Variants in GALK2 observed in about 807,000 individuals in gnomAD.
The protein encoded by GALK2 is galactokinase 2.
In GALK2, 36 loss-of-function variants were observed where a neutral mutation model predicts 52.4. The observed-to-expected ratio is 0.69, with a 90% confidence interval of 0.53 to 0.91. The LOEUF (loss-of-function observed/expected upper bound fraction) is 0.91. Among genes scored for constraint, GALK2 ranks in the 40% least tolerant of loss-of-function variants. The pLI is 0.00. For missense variants in GALK2, 579 were observed against 559.1 expected, an observed-to-expected ratio of 1.04 and a Z score of -0.36; for synonymous variants, 176 against 199.1, an observed-to-expected ratio of 0.88 and a Z score of 0.98.
intron 3 of GALK2, among the ~76,000 whole-genome samples, chr15:49,363,612 T>TA (rs2044622308): frequency 6.6e-6 from 1 of 152,226 alleles, no homozygotes; most frequent in Admixed American, 6.5e-5. Flanking sequence ...GAATGCCTTT[T>TA]ACTTCTTTCT....
chr15:49,188,941 T>C (rs749354531), intron 1 of GALK2, among the ~76,000 whole-genome samples: 4 of 152,228 alleles, frequency 2.6e-5, no homozygotes, highest in Non-Finnish European at 4.4e-5. Context: ...GGAAACAGCA[T>C]AATAAAAAGC....
At chr15:49,272,503 T>C (rs2030842250) in intron 5 of GALK2, among the ~76,000 whole-genome samples, 1 of 152,232 alleles carries the variant, frequency 6.6e-6, no homozygotes, top group South Asian at 2.1e-4. Flanking sequence ...CATGAGATTG[T>C]GCACGTTTAA....
At chr15:49,178,191 A>AAATAATATAT (rs2085627367) in intron 1 of GALK2, among the ~76,000 whole-genome samples, 1 of 87,106 alleles carries the variant, frequency 1.1e-5, no homozygotes. Flanking sequence ...AAAAAAAAGA[A>AAATAATATAT]ATACTATATA....
chr15:49,353,091 G>A (rs995178947), intron 3 of GALK2, among the ~76,000 whole-genome samples: 8 of 152,234 alleles, frequency 5.3e-5, no homozygotes, highest in African/African-American at 1.4e-4. Flanking sequence ...AAATGAGAAC[G>A]TCATCATTTC....
At chr15:49,214,299 A>G (rs1220807358) in intron 2 of GALK2, among the ~76,000 whole-genome samples, 1 of 150,432 alleles carries the variant, frequency 6.6e-6, no homozygotes, top group Admixed American at 6.6e-5. Context: ...ACCCCCCAAA[A>G]CTTTACCTTA....
chr15:49,171,776 TA>T (rs66523705), intron 1 of GALK2, among the ~76,000 whole-genome samples: 49,015 of 149,478 alleles, frequency 0.33, 8,698 homozygotes, highest in East Asian at 0.58. Flanking sequence ...AGTTTAGTCT[TA>T]TTTTTTTTTT....
chr15:49,219,052 A>G (rs1454703858), intron 3 of GALK2, among the ~76,000 whole-genome samples: 1 of 152,132 alleles, frequency 6.6e-6, no homozygotes, highest in Non-Finnish European at 1.5e-5. Flanking sequence ...GTCTTAAGCT[A>G]CTGACCTCAA....
intron 5 of GALK2, among the ~76,000 whole-genome samples, chr15:49,240,135 A>C (rs1462763485): frequency 1.3e-4 from 20 of 152,222 alleles, no homozygotes; most frequent in Admixed American, 1.3e-3. Context: ...ATGAAGGAGA[A>C]AGCAAAGGTT....
At chr15:49,339,834 G>T (rs1308392054) in intron 3 of GALK2, among the ~76,000 whole-genome samples, 1 of 152,184 alleles carries the variant, frequency 6.6e-6, no homozygotes, top group Non-Finnish European at 1.5e-5. Context: ...GTAGAGGAAT[G>T]AATCTAGAGA....
Position 49,328,626 on chromosome 15 carries a change from G to GATGATC in GALK2, c.*471_*472insTCATGA. 1 of 1,584,982 alleles carries GATGATC rather than the reference G, an allele frequency of 6.3e-7. No homozygotes were observed. ...TGTTGATGATGGTGATGATGATGAT[G>GATGATC]ATGACGATAGTGATGCCACACATTC... On this transcript the variant is annotated 3_prime_UTR_variant, in exon 10 of 10. Transcript: ENST00000560031.
At chr15:49,299,784 T>TTTCTTTCTTTCTTTCTTTCC (rs1567037764) in intron 8 of GALK2, among the ~76,000 whole-genome samples, 3 of 140,136 alleles carry the variant, frequency 2.1e-5, no homozygotes, top group Non-Finnish European at 3.1e-5. Flanking sequence ...TCTTTCTTTC[T>TTTCTTTCTTTCTTTCTTTCC]TTCTTTCTTT....
chr15:49,255,631 C>CA, intron 5 of GALK2, among the ~76,000 whole-genome samples: 1 of 105,652 alleles, frequency 9.5e-6, no homozygotes, highest in Non-Finnish European at 2.3e-5. Context: ...TTGTACTTAA[C>CA]ATTATTTAAT....
downstream of GALK2, among the ~76,000 whole-genome samples, chr15:49,332,512 C>T (rs1198454314): frequency 6.6e-6 from 1 of 152,068 alleles, no homozygotes; most frequent in East Asian, 1.9e-4. Context: ...CAGGAAGCAG[C>T]AGGAACCTTT....
chr15:49,160,286 A>G (rs1395554263), intron 1 of GALK2, among the ~76,000 whole-genome samples: 1 of 152,102 alleles, frequency 6.6e-6, no homozygotes, highest in Non-Finnish European at 1.5e-5. Flanking sequence ...AAAAAGAAAA[A>G]AAAAGATTAA....
chr15:49,175,869 G>T (rs563102452), intron 1 of GALK2, among the ~76,000 whole-genome samples: 1 of 152,108 alleles, frequency 6.6e-6, no homozygotes, highest in Non-Finnish European at 1.5e-5. Flanking sequence ...AATTACCAGT[G>T]TATGCATCCC....
In GALK2 at chr15:49,170,380, G is replaced by C. The variant is rs537130126; in HGVS notation, c.53+5G>C. ...CCAGGTGGCAGAACATCCTAGGTGG[G>C]GGAGAGGAGACGCCGGGCTTTGGGA... On this transcript the variant is annotated splice_donor_5th_base_variant and intron_variant, in intron 1 of 9. Transcript: ENST00000560031. 1 of 1,587,496 alleles carries C rather than the reference G, an allele frequency of 6.3e-7. No homozygotes were observed. Among genetic ancestry groups the C allele is most frequent in the Admixed American group, 1.8e-5 (1 of 55,920 alleles).
At chr15:49,285,999 G>A (rs1270290240) in intron 7 of GALK2, among the ~76,000 whole-genome samples, 1 of 152,060 alleles carries the variant, frequency 6.6e-6, no homozygotes, top group Admixed American at 6.6e-5. Flanking sequence ...TCATCTCAGA[G>A]ACTTTGCACC....
intron 8 of GALK2, among the ~76,000 whole-genome samples, chr15:49,293,582 A>G (rs779647098): frequency 6.6e-6 from 1 of 152,242 alleles, no homozygotes; most frequent in African/African-American, 2.4e-5. Flanking sequence ...AATATTTACT[A>G]TATGGTTCTT....
intron 3 of GALK2, among the ~76,000 whole-genome samples, chr15:49,343,224 T>G (rs1393331911): frequency 1.3e-5 from 2 of 152,166 alleles, no homozygotes; most frequent in African/African-American, 2.4e-5. Flanking sequence ...TTATTTTTCT[T>G]AATTCTTTTT....
Sources: gnomAD v4.1 joint callset for allele counts (sites outside exome capture counted in the v4.1 genomes callset) on GRCh38, gnomAD v4.1.1 for gene constraint, MANE v1.5 for transcripts, NCBI Gene and HGNC (gene_info 2026-07-23, HGNC 2026-07-21) for gene names.